Variants in SNRNP40 observed in about 807,000 individuals in gnomAD.
The protein encoded by SNRNP40 is small nuclear ribonucleoprotein U5 subunit 40.
In SNRNP40, 21 loss-of-function variants were observed where a neutral mutation model predicts 45.8. That is an observed-to-expected ratio of 0.46 (90% CI 0.32 to 0.66). The LOEUF (loss-of-function observed/expected upper bound fraction) is 0.66. Among genes scored for constraint, SNRNP40 ranks in the 30% least tolerant of loss-of-function variants. The pLI, the probability that SNRNP40 is intolerant of heterozygous loss-of-function variation, is 0.03. For missense variants in SNRNP40, 344 were observed against 439.1 expected, an observed-to-expected ratio of 0.78 and a Z score of 1.94; for synonymous variants, 142 against 163.8, an observed-to-expected ratio of 0.87 and a Z score of 1.01.
chr1:31,269,304 A>C, intron 6 of SNRNP40, 64 bp from the exon 7 acceptor site: 1 of 1,599,186 alleles, frequency 6.3e-7, no homozygotes, highest in Non-Finnish European at 8.5e-7. Context: ...CCTCCTGGGC[A>C]CCCAGCTGAA....
Position 31,281,423 on chromosome 1 carries a change from T to C in SNRNP40, c.605A>G (p.Asn202Ser), listed in dbSNP as rs188008327. The stretch of plus-strand genomic sequence containing the variant: ...AGAAATAATCTGATCACTTGTGTCA[T>C]TGAAGGTCACAGCTAACACCTGGTA... ...NTYQVLAVTF[N>S]DTSDQIISGG... The change falls in exon 5 of 10, where the codon AAT (asparagine) becomes AGT (serine). Residue 202 changes from asparagine to serine, a missense_variant. Asn to Ser is a conservative substitution (Grantham distance 46). Transcript: ENST00000263694. 376 of 1,610,230 alleles carry C rather than the reference T, an allele frequency of 2.3e-4. No homozygotes were observed. Among genetic ancestry groups the C allele is most frequent in the Middle Eastern group, 3.3e-4 (2 of 6,050 alleles).
intron 4 of SNRNP40, among the ~76,000 whole-genome samples, chr1:31,288,899 T>G (rs1258526705): frequency 1.3e-5 from 2 of 152,126 alleles, no homozygotes; most frequent in Non-Finnish European, 2.9e-5. Flanking sequence ...GCCCGGCTTA[T>G]TTTTTGTATT....
chr1:31,268,224 AT>A (rs1313760312), intron 7 of SNRNP40, among the ~76,000 whole-genome samples: 1 of 150,822 alleles, frequency 6.6e-6, no homozygotes, highest in Non-Finnish European at 1.5e-5. Context: ...CTTGATACTC[AT>A]TTTTTTTCCT....
intron 8 of SNRNP40, chr1:31,261,936 C>T (rs2148378722): frequency 4.5e-6 from 1 of 222,766 alleles, no homozygotes; most frequent in South Asian, 8.4e-5. Flanking sequence ...AGACATCACA[C>T]AAAAACCTTT....
chr1:31,277,590 G>A (rs1645984728), intron 5 of SNRNP40, among the ~76,000 whole-genome samples: 2 of 152,110 alleles, frequency 1.3e-5, no homozygotes, highest in Non-Finnish European at 2.9e-5. Flanking sequence ...ACACAAACAA[G>A]GAGACTGTCT....
At chr1:31,282,450 C>G (rs1248242935) in intron 4 of SNRNP40, 2 of 150,560 alleles carry the variant, frequency 1.3e-5, no homozygotes, top group Non-Finnish European at 3.0e-5. Flanking sequence ...CTTCGAAAAG[C>G]ACCGACATAT....
chr1:31,268,197 C>T (rs1645912855), intron 7 of SNRNP40, among the ~76,000 whole-genome samples: 1 of 151,978 alleles, frequency 6.6e-6, no homozygotes, highest in South Asian at 2.1e-4. Flanking sequence ...AATGGAGGCT[C>T]CCTTTGCTCC....
At chr1:31,293,138 C>A in intron 2 of SNRNP40, 81 bp downstream of exon 2, 1 of 1,499,100 alleles carries the variant, frequency 6.7e-7, no homozygotes, top group Non-Finnish European at 9.2e-7. Flanking sequence ...AGAGTGATAC[C>A]TTCTGTGGCA....
At chr1:31,268,690 T>C (rs1042852546) in intron 7 of SNRNP40, among the ~76,000 whole-genome samples, 1 of 152,202 alleles carries the variant, frequency 6.6e-6, no homozygotes, top group East Asian at 1.9e-4. Context: ...CCTTGAAATT[T>C]GAGGCTTTGA....
intron 6 of SNRNP40, among the ~76,000 whole-genome samples, chr1:31,270,922 T>G (rs748611043): frequency 1.7e-4 from 26 of 152,160 alleles, no homozygotes; most frequent in Non-Finnish European, 2.9e-4. Context: ...AAATCCAGAA[T>G]GTTTTAATGA....
chr1:31,264,971 C>T (rs1645886258), intron 8 of SNRNP40, among the ~76,000 whole-genome samples: 1 of 152,174 alleles, frequency 6.6e-6, no homozygotes, highest in African/African-American at 2.4e-5. Flanking sequence ...CCTCTCCTTA[C>T]TTTGGCATGG....
Position 31,293,208 on chromosome 1 carries a change from C to T in SNRNP40, c.271+11G>A. On this transcript the variant is annotated intron_variant, in intron 2 of 9. Coordinates refer to ENST00000263694, the MANE Select transcript of SNRNP40 (RefSeq NM_004814.3). ...GGAAAAATTATTCCAGATTCAAAAA[C>T]TATGCCTCACATATCAGTCGGTCAA... The T allele has an allele frequency of 6.2e-7, 1 of 1,612,918 alleles. No individual in the cohort carries two copies.
chr1:31,265,190 T>C (rs1215830820), intron 8 of SNRNP40, among the ~76,000 whole-genome samples: 1 of 152,166 alleles, frequency 6.6e-6, no homozygotes, highest in Non-Finnish European at 1.5e-5. Context: ...AGTGGCATGA[T>C]TGCAGCTCAC....
intron 4 of SNRNP40, chr1:31,282,483 GTATCTATCTATCTATC>G (rs1553166886): frequency 5.1e-4 from 36 of 70,018 alleles, no homozygotes; most frequent in Admixed American, 7.5e-4. Context: ...ATCTATCTAT[GTATCTATCTATCTATC>G]TATCTATCTA....
Position 31,262,413 on chromosome 1 carries a change from C to T in SNRNP40, c.921-781G>A, listed in dbSNP as rs867106976. ...GCGTGTGCCTGTAATCCCAACTACT[C>T]GGGAGGCTGAGGCAGGAGAATTGCC... On this transcript the variant is annotated intron_variant, in intron 8 of 9. Coordinates refer to ENST00000263694, the MANE Select transcript of SNRNP40 (RefSeq NM_004814.3). 4.0e-5 allele frequency among the ~76,000 whole-genome samples: 6 copies of T among 148,966 alleles called. No homozygotes were observed. In the East Asian group the frequency reaches 6.0e-4, roughly 15 times the overall value.
rs371478465 is a variant in SNRNP40, at chr1:31,281,508, GA to G, written c.532-13del. The G allele has an allele frequency of 1.4e-5, 23 of 1,591,422 alleles. No homozygotes were observed. The African/African-American group carries it at 2.7e-4, about 19-fold the overall frequency. On this transcript the variant is annotated splice_polypyrimidine_tract_variant and intron_variant, in intron 4 of 9. Transcript: ENST00000263694. Reference sequence around the variant, plus strand: ...CGGATGTCCCAAAGCTGAAGCAAAGGACAAGACAGTCTATCAGCAACATCAT... The same window carrying G: ...CGGATGTCCCAAAGCTGAAGCAAAGGCAAGACAGTCTATCAGCAACATCAT...
intron 4 of SNRNP40, among the ~76,000 whole-genome samples, chr1:31,287,905 G>C (rs1023315449): frequency 2.0e-5 from 3 of 152,204 alleles, no homozygotes; most frequent in East Asian, 3.8e-4. Context: ...GCTGAGGCAG[G>C]GGAACTGCTT....
chr1:31,275,578 C>T (rs1428539119), intron 5 of SNRNP40, among the ~76,000 whole-genome samples: 2 of 152,040 alleles, frequency 1.3e-5, no homozygotes, highest in Non-Finnish European at 1.5e-5. Context: ...TTAGTAGAGA[C>T]GGGGTTTTGC....
At chr1:31,266,566 TTC>T (rs750165934) in intron 8 of SNRNP40, among the ~76,000 whole-genome samples, 5 of 152,210 alleles carry the variant, frequency 3.3e-5, no homozygotes, top group Non-Finnish European at 5.9e-5. Context: ...ATTCTCTCCC[TTC>T]TGTTTCTCAT....
Sources: gnomAD v4.1 joint callset for allele counts (sites outside exome capture counted in the v4.1 genomes callset) on GRCh38, gnomAD v4.1.1 for gene constraint, MANE v1.5 for transcripts, NCBI Gene and HGNC (gene_info 2026-07-23, HGNC 2026-07-21) for gene names.